Variants in TBCK observed in about 807,000 individuals in gnomAD.
The protein encoded by TBCK is TBC1 domain containing kinase.
Under a neutral mutation model 113.4 loss-of-function variants are expected in TBCK, and 99 were observed. That is an observed-to-expected ratio of 0.87 (90% confidence interval 0.74 to 1.03). The LOEUF is 1.03. Among genes scored for constraint, TBCK ranks in the 50% least tolerant of loss-of-function variants. The pLI, the probability that TBCK is intolerant of heterozygous loss-of-function variation, is 0.00. For missense variants in TBCK, 1,045 were observed against 1,061.3 expected (o/e 0.98, Z 0.21); for synonymous variants, 369 against 370.8 (o/e 1.00, Z 0.05).
intron 23 of TBCK, among the ~76,000 whole-genome samples, chr4:106,168,882 T>C (rs1456504319): frequency 6.6e-6 from 1 of 151,778 alleles, no homozygotes; most frequent in Non-Finnish European, 1.5e-5. Context: ...GGAGACTCAA[T>C]AAAGGTTGAA....
At position 106,171,131 on chromosome 4, in the gene TBCK, G is replaced by A. The variant is rs1750948721; in HGVS notation, c.2199C>T (p.Phe733=). 1 of 1,612,328 alleles carries A rather than the reference G, an allele frequency of 6.2e-7. No individual in the cohort carries two copies. Among genetic ancestry groups the A allele is most frequent in the Non-Finnish European group, 8.5e-7 (1 of 1,179,336 alleles). Residue 733 remains phenylalanine (F), a synonymous_variant, in exon 23 of 26, where the codon TTC becomes TTT. Transcript: ENST00000394708. The part of the protein sequence containing the change: ...SSGGRSSAPY[F]SAECPDPPKT... Reference sequence around the variant, plus strand: ...TTGGAGGATCTGGACACTCAGCAGAGAAATAAGGTGCCGAACTTCTGCCTC... The same window carrying A: ...TTGGAGGATCTGGACACTCAGCAGAAAAATAAGGTGCCGAACTTCTGCCTC...
At position 106,067,051 on chromosome 4, in the gene TBCK, T is replaced by C. The variant is rs544247322; in HGVS notation, c.2572-20371A>G. 4.6e-5 allele frequency among the ~76,000 whole-genome samples: 7 copies of C among 152,260 alleles called. No individual in the cohort carries two copies. The South Asian group carries it at 1.2e-3, about 27-fold the overall frequency. ...ATCTAGCAGTCAAATTACTGACTCA[T>C]ATGGCAATTCCATATTTACTTTTTC... On this transcript the variant is annotated intron_variant, in intron 25 of 25. Transcript: ENST00000394708.
chr4:106,240,231 A>G (rs1332349840), intron 12 of TBCK, among the ~76,000 whole-genome samples: 4 of 152,092 alleles, frequency 2.6e-5, no homozygotes, highest in Non-Finnish European at 4.4e-5. Flanking sequence ...CTATAACTCA[A>G]TGCAACAAAT....
chr4:106,213,618 G>A (rs369477604), intron 19 of TBCK: 1 of 153,738 alleles, frequency 6.5e-6, no homozygotes, highest in Non-Finnish European at 1.4e-5. Flanking sequence ...GACGGCACCT[G>A]GACAATCGGG....
intron 25 of TBCK, among the ~76,000 whole-genome samples, chr4:106,066,704 G>A (rs1333523487): frequency 6.6e-6 from 1 of 151,660 alleles, no homozygotes; most frequent in Non-Finnish European, 1.5e-5. Flanking sequence ...CCAGCCCGTG[G>A]TACCACTAAT....
intron 1 of TBCK, among the ~76,000 whole-genome samples, chr4:106,313,747 T>C (rs1292384067): frequency 6.6e-6 from 1 of 152,224 alleles, no homozygotes; most frequent in Non-Finnish European, 1.5e-5. Context: ...GAAGCTTGCT[T>C]CTATGTGCAT....
intron 3 of TBCK, among the ~76,000 whole-genome samples, chr4:106,274,546 A>G (rs746850867): frequency 6.6e-6 from 1 of 152,338 alleles, no homozygotes; most frequent in South Asian, 2.1e-4. Context: ...CCTTAAAAAC[A>G]TTATGCTAAG....
intron 25 of TBCK, among the ~76,000 whole-genome samples, chr4:106,052,351 A>C (rs754683190): frequency 6.6e-6 from 1 of 151,850 alleles, no homozygotes; most frequent in Non-Finnish European, 1.5e-5. Context: ...GAAAATGCTA[A>C]TTATGTATTT....
At chr4:106,166,177 C>G (rs957281106) in intron 23 of TBCK, among the ~76,000 whole-genome samples, 1 of 150,956 alleles carries the variant, frequency 6.6e-6, no homozygotes, top group Non-Finnish European at 1.5e-5. Flanking sequence ...TATATTTGAA[C>G]CTTCAAATAA....
At chr4:106,197,549 C>T (rs1277780566) in intron 20 of TBCK, among the ~76,000 whole-genome samples, 3 of 150,880 alleles carry the variant, frequency 2.0e-5, no homozygotes, top group Non-Finnish European at 4.4e-5. Flanking sequence ...CAAAACAAAA[C>T]AAAACAAAAC....
At chr4:106,108,180 AG>A (rs2149546999) in intron 24 of TBCK, among the ~76,000 whole-genome samples, 1 of 152,330 alleles carries the variant, frequency 6.6e-6, no homozygotes, top group South Asian at 2.1e-4. Flanking sequence ...CAGATGTACA[AG>A]GAAGAGCTGG....
intron 3 of TBCK, among the ~76,000 whole-genome samples, chr4:106,283,989 C>T (rs1380073396): frequency 6.6e-6 from 1 of 152,108 alleles, no homozygotes; most frequent in Non-Finnish European, 1.5e-5. Flanking sequence ...GTATTAACAA[C>T]ACTTGGCAAT....
intron 17 of TBCK, among the ~76,000 whole-genome samples, chr4:106,232,478 G>C (rs1758969123): frequency 6.6e-6 from 1 of 151,284 alleles, no homozygotes. Context: ...TAATGGCAAA[G>C]CTAAAAATAA....
At chr4:106,223,192 C>A (rs1230497021) in intron 19 of TBCK, among the ~76,000 whole-genome samples, 1 of 152,076 alleles carries the variant, frequency 6.6e-6, no homozygotes, top group Non-Finnish European at 1.5e-5. Flanking sequence ...TGGAAAAAAA[C>A]ACAACTGCTT....
In TBCK at chr4:106,061,809, G is replaced by A. The variant is rs146215921; in HGVS notation, c.2572-15129C>T. On this transcript the variant is annotated intron_variant, in intron 25 of 25. Transcript: ENST00000394708. Reference sequence around the variant, plus strand: ...GAGAAATTTACAACACTTTGCAAACGCATAGATTCAAATGTAAAATGCAAA... The same window carrying A: ...GAGAAATTTACAACACTTTGCAAACACATAGATTCAAATGTAAAATGCAAA... 9.4e-4 allele frequency among the ~76,000 whole-genome samples: 143 copies of A among 151,682 alleles called. 2 individuals carry two copies. The South Asian group carries it at 0.01, about 11-fold the overall frequency.
intron 2 of TBCK, among the ~76,000 whole-genome samples, chr4:106,299,914 G>A (rs766746199): frequency 1.1e-4 from 17 of 152,148 alleles, no homozygotes; most frequent in African/African-American, 1.9e-4. Flanking sequence ...ATGATGTAGC[G>A]TCTCTAGCCT....
intron 20 of TBCK, among the ~76,000 whole-genome samples, chr4:106,205,275 G>A (rs935201428): frequency 6.6e-6 from 1 of 152,008 alleles, no homozygotes; most frequent in African/African-American, 2.4e-5. Context: ...CTTCATAGTT[G>A]GAAGATCTGT....
At chr4:106,265,354 C>T (rs1342015777) in intron 3 of TBCK, among the ~76,000 whole-genome samples, 1 of 151,888 alleles carries the variant, frequency 6.6e-6, no homozygotes, top group Non-Finnish European at 1.5e-5. Flanking sequence ...GGTGTCCCCC[C>T]GAAGTATTTA....
At chr4:106,238,832 G>T (rs927207896) in intron 12 of TBCK, 1 of 152,156 alleles carries the variant, frequency 6.6e-6, no homozygotes, top group African/African-American at 2.4e-5. Flanking sequence ...CAGAGCCACT[G>T]CTGGAGTCTG....
Sources: gnomAD v4.1 joint callset for allele counts (sites outside exome capture counted in the v4.1 genomes callset) on GRCh38, gnomAD v4.1.1 for gene constraint, MANE v1.5 for transcripts, NCBI Gene and HGNC (gene_info 2026-07-23, HGNC 2026-07-21) for gene names.